SLC4A7: variants seen among roughly 807,000 people sequenced by gnomAD.
SLC4A7 encodes the protein solute carrier family 4 member 7.
SLC4A7 carries 51 observed loss-of-function variants against 137.6 expected under a neutral mutation model. The ratio of observed to expected loss-of-function variants is 0.37; its 90% CI spans 0.30 to 0.47. The LOEUF is 0.47. SLC4A7 is among the 20% of genes least tolerant of loss of function. SLC4A7 has a pLI of 1.00. For synonymous variants in SLC4A7, 542 were observed against 518.6 expected (o/e 1.05, Z -0.61); for missense variants, 1,247 against 1,525.4 (o/e 0.82, Z 3.04).
chr3:27,449,571 T>C (rs1249069124), intron 2 of SLC4A7, among the ~76,000 whole-genome samples: 1 of 152,144 alleles, frequency 6.6e-6, no homozygotes, highest in Non-Finnish European at 1.5e-5. Flanking sequence ...AGTAAAGTTA[T>C]TGCATGCTTT....
chr3:27,408,918 G>C (rs983536863), intron 13 of SLC4A7, among the ~76,000 whole-genome samples: 1 of 152,050 alleles, frequency 6.6e-6, no homozygotes, highest in African/African-American at 2.4e-5. Context: ...GTCGAGTATA[G>C]GCTTACCAGC....
At chr3:27,379,480 T>C (rs1448056948) in intron 24 of SLC4A7, 124 bp from the exon 25 acceptor site, 4 of 574,156 alleles carry the variant, frequency 7.0e-6, no homozygotes, top group African/African-American at 1.8e-5. Context: ...AGAATTTGAA[T>C]TCTGTTACAA....
chr3:27,435,308 C>A (rs1475047367), intron 5 of SLC4A7, among the ~76,000 whole-genome samples: 1 of 152,106 alleles, frequency 6.6e-6, no homozygotes, highest in African/African-American at 2.4e-5. Flanking sequence ...TTTCTACTTT[C>A]TACCTCCACA....
rs2052983391 is a variant in SLC4A7 at position 27,403,378 on chromosome 3, A to G, written c.2082T>C (p.Tyr694=). 1 of 1,581,550 alleles carries G rather than the reference A, an allele frequency of 6.3e-7. No individual in the cohort carries two copies. The highest frequency in any genetic ancestry group is 1.8e-5 in the Admixed American group (1 of 54,826). Residue 694 remains tyrosine, a synonymous_variant, in exon 15 of 26, where the codon TAT becomes TAC. Coordinates refer to ENST00000454389, the MANE Select transcript of SLC4A7 (RefSeq NM_001321103.2). ...TTCTTAAAGACAGATAAGAAAGTTG[A>G]TAATCTCTGTTTAGAAAGAAAAATA... ...EKILYKFCRD[Y]QLSYLSLRTS... is the part of the protein sequence containing the mutation.
At chr3:27,428,181 G>C (rs1236123454) in intron 7 of SLC4A7, 1 of 153,752 alleles carries the variant, frequency 6.5e-6, no homozygotes, top group Non-Finnish European at 1.5e-5. Flanking sequence ...TTTATGTTCA[G>C]TTACTTCATC....
intron 3 of SLC4A7, among the ~76,000 whole-genome samples, chr3:27,447,640 C>CTTTTTTTTTT (rs71087609): frequency 3.0e-5 from 3 of 99,720 alleles, no homozygotes; most frequent in African/African-American, 8.4e-5. Flanking sequence ...TTTTACAGCC[C>CTTTTTTTTTT]TTTTTTTTTT....
At chr3:27,400,465 C>T (rs184441199) in intron 16 of SLC4A7, among the ~76,000 whole-genome samples, 26 of 152,246 alleles carry the variant, frequency 1.7e-4, no homozygotes, top group East Asian at 1.2e-3. Flanking sequence ...TTCCTTTGAA[C>T]GTATCAATCT....
chr3:27,423,979 A>T (rs2055277117), intron 8 of SLC4A7, 58 bp downstream of exon 8: 1 of 1,028,784 alleles, frequency 9.7e-7, no homozygotes. Flanking sequence ...GCCACAAATT[A>T]CTACTTATTT....
chr3:27,408,335 A>G (rs534839188), intron 13 of SLC4A7, among the ~76,000 whole-genome samples: 2 of 152,228 alleles, frequency 1.3e-5, no homozygotes, highest in African/African-American at 2.4e-5. Flanking sequence ...ACACATTTCC[A>G]TGGGGACTAG....
chr3:27,418,471 G>T lies in SLC4A7; in HGVS notation c.1659+15C>A. 1.3e-6 allele frequency: 2 copies of T among 1,593,340 alleles called. No individual in the cohort carries two copies. Among genetic ancestry groups the T allele is most frequent in the Non-Finnish European group, 1.7e-6 (2 of 1,170,480 alleles). On this transcript the variant is annotated intron_variant, in intron 11 of 25. Coordinates refer to ENST00000454389, the MANE Select transcript of SLC4A7 (RefSeq NM_001321103.2). ...AAATAAAGTAAGTCACAGAAGAATA[G>T]CTCTGGATTCTTACCTGAGAAGGGA...
intron 1 of SLC4A7, 50 bp downstream of exon 1, chr3:27,484,017 G>A: frequency 1.5e-6 from 2 of 1,317,610 alleles, no homozygotes; most frequent in South Asian, 1.8e-5. Context: ...TGTCTGCCTC[G>A]CCCCGCGCCC....
chr3:27,408,640 G>A (rs2053614721), intron 13 of SLC4A7, among the ~76,000 whole-genome samples: 1 of 152,008 alleles, frequency 6.6e-6, no homozygotes, highest in Non-Finnish European at 1.5e-5. Flanking sequence ...ATTACAAATC[G>A]TCTCATTTAA....
chr3:27,443,115 T>TG (rs1259744041), intron 3 of SLC4A7, among the ~76,000 whole-genome samples: 5 of 135,074 alleles, frequency 3.7e-5, no homozygotes, highest in Non-Finnish European at 7.7e-5. Flanking sequence ...CACTGCAACC[T>TG]CTGCCTCCCG....
chr3:27,398,873 C>G (rs900833963), intron 16 of SLC4A7, among the ~76,000 whole-genome samples: 1 of 152,024 alleles, frequency 6.6e-6, no homozygotes, highest in Non-Finnish European at 1.5e-5. Flanking sequence ...TGATTCAGTA[C>G]CTTCAGACTA....
chr3:27,421,603 C>T lies in SLC4A7; in HGVS notation c.1424+19G>A. 5 of 1,588,520 alleles carry T rather than the reference C, an allele frequency of 3.1e-6. No individual in the cohort carries two copies. Among genetic ancestry groups the T allele is most frequent in the Non-Finnish European group, 4.3e-6 (5 of 1,166,166 alleles). On this transcript the variant is annotated intron_variant, in intron 9 of 25. Coordinates refer to ENST00000454389, the MANE Select transcript of SLC4A7 (RefSeq NM_001321103.2). ...TTTTGAAAATGCTTAGAGAATGTTACTTGGAACTAACTCTTTACCTGGTTG... is the reference window on the plus strand; with the variant it reads ...TTTTGAAAATGCTTAGAGAATGTTATTTGGAACTAACTCTTTACCTGGTTG...
intron 1 of SLC4A7, among the ~76,000 whole-genome samples, chr3:27,466,187 C>T (rs554943346): frequency 6.6e-6 from 1 of 151,260 alleles, no homozygotes; most frequent in African/African-American, 2.4e-5. Context: ...CGCGGTGGCT[C>T]ACGCCTGTAA....
intron 14 of SLC4A7, among the ~76,000 whole-genome samples, chr3:27,404,253 G>C (rs2053101471): frequency 6.6e-6 from 1 of 152,172 alleles, no homozygotes. Flanking sequence ...AGTAATCCCA[G>C]CCACTTGGGA....
chr3:27,472,418 T>C (rs1321999092), intron 1 of SLC4A7, among the ~76,000 whole-genome samples: 2 of 151,648 alleles, frequency 1.3e-5, no homozygotes, highest in African/African-American at 4.8e-5. Flanking sequence ...CGAAACCCCA[T>C]CTGTATGGGT....
intron 23 of SLC4A7, 106 bp downstream of exon 23, chr3:27,385,786 G>T: frequency 1.3e-6 from 1 of 744,688 alleles, no homozygotes. Flanking sequence ...GTTCTTAGAA[G>T]GATGAAAGGA....
Sources: gnomAD v4.1 joint callset for allele counts (sites outside exome capture counted in the v4.1 genomes callset) on GRCh38, gnomAD v4.1.1 for gene constraint, MANE v1.5 for transcripts, NCBI Gene and HGNC (gene_info 2026-07-23, HGNC 2026-07-21) for gene names.